The following IL3RA variants were observed in gnomAD, a reference collection of about 807,000 sequenced individuals.
The protein encoded by IL3RA is interleukin-3 receptor subunit alpha.
A neutral mutation model predicts 52.3 loss-of-function variants in IL3RA; 73 were observed. The ratio of observed to expected loss-of-function variants is 1.40; its 90% CI spans 1.16 to 1.70. The LOEUF is 1.70. IL3RA is among the 40% of genes most tolerant of loss of function. The pLI is 0.00. For missense variants in IL3RA, 664 were observed against 504.4 expected, an observed-to-expected ratio of 1.32 and a Z score of -3.03; for synonymous variants, 260 against 194.0, an observed-to-expected ratio of 1.34 and a Z score of -2.83.
rs28799025 is a variant in IL3RA, at chrX:1,349,231, G to C, written c.298+686G>C. ...GAGTCTCACTCTGTCCACCAGGCTGGAGTGCACTGGCGCGATCTCGGCTCA... is the reference window on the plus strand; with the variant it reads ...GAGTCTCACTCTGTCCACCAGGCTGCAGTGCACTGGCGCGATCTCGGCTCA... On this transcript the variant is annotated intron_variant, in intron 4 of 11. Transcript: ENST00000331035. 7.8e-3 allele frequency among the ~76,000 whole-genome samples: 1,179 copies of C among 151,230 alleles called. 18 individuals are homozygous for C. The highest frequency in any genetic ancestry group is 0.027 in the African/African-American group (1,091 of 41,140).
intron 8 of IL3RA, among the ~76,000 whole-genome samples, chrX:1,361,330 G>C (rs1241207381): frequency 1.3e-5 from 2 of 152,094 alleles, no homozygotes; most frequent in African/African-American, 4.8e-5. Flanking sequence ...ATATACCCAA[G>C]ACTGGGTAAT....
At chrX:1,370,896 C>T (rs2088540443) in intron 9 of IL3RA, among the ~76,000 whole-genome samples, 1 of 33,610 alleles carries the variant, frequency 3.0e-5, no homozygotes, top group Non-Finnish European at 5.2e-5. Context: ...CTCCAGCCTC[C>T]AGGGCTGTGG....
At chrX:1,379,423 T>C (rs1403508965) in intron 10 of IL3RA, among the ~76,000 whole-genome samples, 1 of 152,144 alleles carries the variant, frequency 6.6e-6, no homozygotes, top group African/African-American at 2.4e-5. Flanking sequence ...CCCAAAGTGC[T>C]GGGATTACAG....
chrX:1,382,297 C>G (rs2089219852), intron 11 of IL3RA, 94 bp from the exon 12 acceptor site: 5 of 1,104,700 alleles, frequency 4.5e-6, no homozygotes, highest in Non-Finnish European at 6.9e-6. Flanking sequence ...GCCCACAGAG[C>G]AGATCTGAGA....
At chrX:1,381,183 G>A in intron 11 of IL3RA, 79 bp downstream of exon 11, 1 of 1,279,466 alleles carries the variant, frequency 7.8e-7, no homozygotes, top group East Asian at 2.3e-5. Context: ...CGGACCACTT[G>A]AGGCCAGGAA....
chrX:1,341,643 G>T lies in IL3RA; in HGVS notation c.-38-85G>T. On this transcript the variant is annotated intron_variant, in intron 1 of 11. Transcript: ENST00000331035. ...CAGCTCCTTCTGCTGTGAGCACCAG[G>T]CTCTGGAAGGGGCAAGCATCCTTCA... 15 of 1,002,234 alleles carry T rather than the reference G, an allele frequency of 1.5e-5. 1 individual carries two copies. In the South Asian group the frequency reaches 2.1e-4, roughly 14 times the overall value. The allele number at this position is 1,002,234 out of a possible 1,614,324, so 62.1% of individuals were successfully genotyped here.
At chrX:1,363,379 C>T (rs2087626307) in intron 8 of IL3RA, among the ~76,000 whole-genome samples, 1 of 150,484 alleles carries the variant, frequency 6.6e-6, no homozygotes, top group African/African-American at 2.4e-5. Flanking sequence ...CGGCTCACTG[C>T]AAGCTCCGCC....
chrX:1,362,803 T>C (rs1393228569), intron 8 of IL3RA, among the ~76,000 whole-genome samples: 1 of 150,980 alleles, frequency 6.6e-6, no homozygotes, highest in Admixed American at 6.6e-5. Flanking sequence ...TGAGACAGAG[T>C]CTCGCTCTGT....
intron 3 of IL3RA, among the ~76,000 whole-genome samples, chrX:1,346,281 A>T (rs1322436572): frequency 6.6e-6 from 1 of 151,882 alleles, no homozygotes; most frequent in Non-Finnish European, 1.5e-5. Context: ...TCCACTAAAA[A>T]TATAAAAATT....
At chrX:1,362,688 G>C (rs1369958211) in intron 8 of IL3RA, among the ~76,000 whole-genome samples, 11 of 152,052 alleles carry the variant, frequency 7.2e-5, no homozygotes, top group African/African-American at 2.4e-4. Flanking sequence ...GGGGACTCTG[G>C]GGTCCCTGGG....
In IL3RA at chrX:1,364,551, G is replaced by A. The variant is rs150911117; in HGVS notation, c.760-587G>A. On this transcript the variant is annotated intron_variant, in intron 8 of 11. Transcript: ENST00000331035. ...GGGTCTTGGTTTGTTGCCCAGGCTGGTCTCAAACTCCTAAGCTCGAGGTAT... is the reference window on the plus strand; with the variant it reads ...GGGTCTTGGTTTGTTGCCCAGGCTGATCTCAAACTCCTAAGCTCGAGGTAT... 4.6e-3 allele frequency among the ~76,000 whole-genome samples: 703 copies of A among 152,032 alleles called. 5 individuals carry two copies. The highest frequency in any genetic ancestry group is 0.016 in the African/African-American group (649 of 41,490).
At chrX:1,379,034 G>C (rs768339493) in intron 10 of IL3RA, among the ~76,000 whole-genome samples, 1 of 152,174 alleles carries the variant, frequency 6.6e-6, no homozygotes, top group East Asian at 1.9e-4. Context: ...GTAGAGACGG[G>C]GTTTTGCCAT....
At chrX:1,358,654 G>A (rs772018130) in intron 7 of IL3RA, among the ~76,000 whole-genome samples, 3 of 152,194 alleles carry the variant, frequency 2.0e-5, no homozygotes, top group Non-Finnish European at 4.4e-5. Context: ...GTGAGACTCC[G>A]TCTCATAAAT....
intron 7 of IL3RA, 24 bp from the exon 8 acceptor site, chrX:1,358,837 A>T (rs2086934652): frequency 6.2e-7 from 1 of 1,613,278 alleles, no homozygotes; most frequent in East Asian, 2.2e-5. Context: ...GACACTCAAA[A>T]GTTTGCTTGC....
chrX:1,338,502 G>T (rs1339542460), intron 1 of IL3RA, among the ~76,000 whole-genome samples: 6 of 152,112 alleles, frequency 3.9e-5, no homozygotes, highest in East Asian at 1.9e-4. Flanking sequence ...GATGAATGGA[G>T]AAATATAATG....
intron 7 of IL3RA, among the ~76,000 whole-genome samples, 166 bp from the exon 8 acceptor site, chrX:1,358,695 C>T (rs1339680827): frequency 6.6e-6 from 1 of 152,034 alleles, no homozygotes; most frequent in Non-Finnish European, 1.5e-5. Context: ...TGGTCAGGTG[C>T]TATTTACTCC....
intron 2 of IL3RA, among the ~76,000 whole-genome samples, chrX:1,344,570 C>T (rs753525530): frequency 1.6e-4 from 24 of 151,386 alleles, no homozygotes; most frequent in African/African-American, 4.1e-4. Context: ...GTCAGGAGAT[C>T]GAGACCATCC....
rs192752294 is a variant in IL3RA, at chrX:1,356,492, G to C, written c.732+156G>C. Among the ~76,000 whole-genome samples, 12 of 151,232 alleles carry C rather than the reference G, an allele frequency of 7.9e-5. No homozygotes were observed. In the South Asian group the frequency reaches 2.5e-3, roughly 32 times the overall value. On this transcript the variant is annotated intron_variant, in intron 7 of 11. Coordinates refer to ENST00000331035, the MANE Select transcript of IL3RA (RefSeq NM_002183.4). ...AAAACAAAAACAAAAACAAAAGGCC[G>C]GGCGCTGTGGCTCACGCCTGTCATC...
In IL3RA at chrX:1,345,372, T is replaced by G. The variant is rs2085695201; in HGVS notation, c.121T>G (p.Trp41Gly). 1 of 1,611,298 alleles carries G rather than the reference T, an allele frequency of 6.2e-7. No homozygotes were observed. ...RMKAKAQQLT[W>G]DLNRNVTDIE... Reference sequence around the variant, plus strand: ...GAAAGCAAAGGCTCAGCAGTTGACCTGGGACCTTAACAGAAATGTGACCGA... The same window carrying G: ...GAAAGCAAAGGCTCAGCAGTTGACCGGGGACCTTAACAGAAATGTGACCGA... Residue 41 changes from tryptophan (W) to glycine (G), a missense_variant, in exon 3 of 12, where the codon TGG (tryptophan) becomes GGG (glycine). By Grantham distance (184) the Trp-to-Gly change is radical (BLOSUM62 -2). Coordinates refer to ENST00000331035, the MANE Select transcript of IL3RA (RefSeq NM_002183.4).
Sources: gnomAD v4.1 joint callset for allele counts (sites outside exome capture counted in the v4.1 genomes callset) on GRCh38, gnomAD v4.1.1 for gene constraint, MANE v1.5 for transcripts, NCBI Gene and HGNC (gene_info 2026-07-23, HGNC 2026-07-21) for gene names.